DNAH7: variants seen among roughly 807,000 people sequenced by gnomAD.
DNAH7 encodes the protein axonemal beta dynein heavy chain 7.
A neutral mutation model predicts 444.6 loss-of-function variants in DNAH7; 397 were observed. That is an observed-to-expected ratio of 0.89 (90% CI 0.82 to 0.97). The LOEUF (loss-of-function observed/expected upper bound fraction) is 0.97, where lower values mean the gene tolerates loss of function less well. DNAH7 is among the 50% of genes least tolerant of loss of function. The pLI, the probability that DNAH7 is intolerant of heterozygous loss-of-function variation, is 0.00. For synonymous variants in DNAH7, 1,636 were observed against 1,624.4 expected (o/e 1.01, Z -0.17); for missense variants, 4,902 against 4,800.8 (o/e 1.02, Z -0.62).
At chr2:195,996,929 A>G (rs966317910) in intron 12 of DNAH7, among the ~76,000 whole-genome samples, 1 of 152,210 alleles carries the variant, frequency 6.6e-6, no homozygotes, top group African/African-American at 2.4e-5. Flanking sequence ...TCAGGAAATC[A>G]TCTTGCTTAG....
At chr2:195,792,982 T>A (rs1695958193) in intron 57 of DNAH7, among the ~76,000 whole-genome samples, 1 of 152,134 alleles carries the variant, frequency 6.6e-6, no homozygotes, top group South Asian at 2.1e-4. Context: ...CAGGCTGGAG[T>A]GCAGTGGGAT....
chr2:195,805,945 CTTTA>C (rs1384258580), intron 54 of DNAH7, among the ~76,000 whole-genome samples: 1 of 152,000 alleles, frequency 6.6e-6, no homozygotes, highest in Non-Finnish European at 1.5e-5. Flanking sequence ...CTAAATTCTG[CTTTA>C]TTTTTTTTTC....
intron 61 of DNAH7, among the ~76,000 whole-genome samples, chr2:195,762,588 T>A (rs555481433): frequency 6.6e-6 from 1 of 151,992 alleles, no homozygotes; most frequent in Non-Finnish European, 1.5e-5. Context: ...TATACTTATA[T>A]CAGACAAAAT....
At chr2:195,766,077 T>C (rs1416585552) in intron 61 of DNAH7, among the ~76,000 whole-genome samples, 1 of 151,108 alleles carries the variant, frequency 6.6e-6, no homozygotes, top group African/African-American at 2.4e-5. Context: ...TGCAACAAAA[T>C]GGATGGAACC....
In DNAH7 at chr2:195,934,629, C is replaced by T. The variant is rs770459665; in HGVS notation, c.3433G>A (p.Val1145Ile). ...TTAATCATAACTCTCTCTAATTCAA[C>T]CAACCACTTCTCCACTTGACCTCTG... ...KARGQVEKWL[V>I]ELERVMINSI... Residue 1145 changes from valine to isoleucine, a missense_variant, in exon 21 of 65, where the codon GTT (valine) becomes ATT (isoleucine). Coordinates refer to ENST00000312428, the MANE Select transcript of DNAH7 (RefSeq NM_018897.3). 45 of 1,613,960 alleles carry T rather than the reference C, an allele frequency of 2.8e-5. No individual in the cohort carries two copies. In the South Asian group the frequency reaches 4.5e-4, roughly 16 times the overall value.
At chr2:195,883,459 C>CT (rs1559181729) in intron 35 of DNAH7, among the ~76,000 whole-genome samples, 8 of 148,764 alleles carry the variant, frequency 5.4e-5, no homozygotes, top group African/African-American at 2.0e-4. Flanking sequence ...GCTCCCCCCC[C>CT]CCAAAAAAAA....
intron 15 of DNAH7, among the ~76,000 whole-genome samples, chr2:195,981,781 A>G (rs1374355874): frequency 6.6e-6 from 1 of 152,160 alleles, no homozygotes. Context: ...ATGATACTAG[A>G]CCTCTGTCTC....
intron 18 of DNAH7, among the ~76,000 whole-genome samples, chr2:195,958,620 G>C: frequency 6.6e-6 from 1 of 152,060 alleles, no homozygotes; most frequent in East Asian, 1.9e-4. Flanking sequence ...CTCATGAGAA[G>C]GTGGAATATT....
intron 5 of DNAH7, among the ~76,000 whole-genome samples, chr2:196,038,086 A>T (rs986111307): frequency 2.0e-5 from 3 of 152,190 alleles, no homozygotes; most frequent in African/African-American, 7.2e-5. Flanking sequence ...TTAAAGACCA[A>T]GACAGAATAA....
At chr2:195,954,474 G>C (rs530047303) in intron 19 of DNAH7, among the ~76,000 whole-genome samples, 36 of 152,296 alleles carry the variant, frequency 2.4e-4, no homozygotes, top group Admixed American at 4.6e-4. Context: ...TGTGAATAGT[G>C]CCACAATAAA....
Position 195,897,765 on chromosome 2 carries a change from G to GC in DNAH7, c.4549-1dup (p.Leu1517AlafsTer6). ...TCTTCATTTTCATTTGGATATTTCA[G>GC]CTAAAAAAAAAAAAAAAAACTCATG... On this transcript the variant is annotated frameshift_variant and splice_region_variant. Transcript: ENST00000312428. LOFTEE classifies it high-confidence loss of function. 1.5e-6 allele frequency: 2 copies of GC among 1,361,054 alleles called. No individual in the cohort carries two copies. Among genetic ancestry groups the GC allele is most frequent in the South Asian group, 1.4e-5 (1 of 70,752 alleles). The allele number at this position is 1,361,054 out of a possible 1,614,324, so 84.3% of individuals were successfully genotyped here.
Position 195,857,386 on chromosome 2 carries a change from G to C in DNAH7, c.8405C>G (p.Ser2802Ter). ...TTTTATCAGCACTTACTTATCATAT[G>C]AATCCATTGCTATGACCCATTTGCA... ...GLCKWVIAMD[S>*]YDKVAKIVAP... The change falls in exon 44 of 65, where the codon TCA becomes TGA. Residue 2802 changes from serine (S) to a stop codon, truncating the protein, a stop_gained. Transcript: ENST00000312428. LOFTEE classifies it high-confidence loss of function. 6.4e-7 allele frequency: 1 copy of C among 1,572,676 alleles called. No individual in the cohort carries two copies. The highest frequency in any genetic ancestry group is 8.6e-7 in the Non-Finnish European group (1 of 1,165,182).
chr2:195,979,404 T>C (rs1386652615), intron 15 of DNAH7, among the ~76,000 whole-genome samples: 1 of 152,024 alleles, frequency 6.6e-6, no homozygotes, highest in East Asian at 1.9e-4. Flanking sequence ...AAGAAGGAAA[T>C]TGAAAAAATT....
At chr2:195,999,191 C>A (rs1422167473) in intron 12 of DNAH7, 1 of 717,396 alleles carries the variant, frequency 1.4e-6, no homozygotes, top group Admixed American at 2.0e-5. Context: ...TGAAAGGTGA[C>A]AGACCTTTGA....
intron 21 of DNAH7, among the ~76,000 whole-genome samples, chr2:195,929,066 C>A (rs1000826715): frequency 6.6e-6 from 1 of 152,012 alleles, no homozygotes; most frequent in Non-Finnish European, 1.5e-5. Context: ...GGTAACATTT[C>A]TATACCCCAA....
intron 64 of DNAH7, among the ~76,000 whole-genome samples, chr2:195,739,024 T>A (rs1692826028): frequency 6.6e-6 from 1 of 152,190 alleles, no homozygotes; most frequent in African/African-American, 2.4e-5. Flanking sequence ...GAAGCACTCT[T>A]CCTAACTCAG....
intron 12 of DNAH7, among the ~76,000 whole-genome samples, chr2:195,991,015 T>C (rs1693300815): frequency 6.8e-6 from 1 of 147,522 alleles, no homozygotes; most frequent in African/African-American, 2.5e-5. Context: ...ATTTTATTGA[T>C]ACTTTACCAT....
chr2:195,802,042 T>C (rs1382067646), intron 54 of DNAH7, among the ~76,000 whole-genome samples: 4 of 152,212 alleles, frequency 2.6e-5, no homozygotes, highest in African/African-American at 9.7e-5. Context: ...AATGACTAAA[T>C]TGATAAAAAG....
At chr2:196,021,083 TA>T (rs1474704669) in intron 8 of DNAH7, among the ~76,000 whole-genome samples, 2 of 152,210 alleles carry the variant, frequency 1.3e-5, no homozygotes, top group Non-Finnish European at 2.9e-5. Flanking sequence ...ATCCATGTAA[TA>T]AATTGAAATA....
Sources: gnomAD v4.1 joint callset for allele counts (sites outside exome capture counted in the v4.1 genomes callset) on GRCh38, gnomAD v4.1.1 for gene constraint, MANE v1.5 for transcripts, NCBI Gene and HGNC (gene_info 2026-07-23, HGNC 2026-07-21) for gene names.